Variants in PLEKHG1 observed in about 807,000 individuals in gnomAD.
The protein encoded by PLEKHG1 is pleckstrin homology domain-containing family G member 1.
A neutral mutation model predicts 100.8 loss-of-function variants in PLEKHG1; 44 were observed. The ratio of observed to expected loss-of-function variants is 0.44; its 90% CI spans 0.34 to 0.56. The LOEUF is 0.56. Ranked by LOEUF, PLEKHG1 falls within the 20% of genes least tolerant of loss-of-function variation. The pLI, the probability that PLEKHG1 is intolerant of heterozygous loss-of-function variation, is 0.01. For missense variants in PLEKHG1, 1,545 were observed against 1,720.9 expected, an observed-to-expected ratio of 0.90 and a Z score of 1.81; for synonymous variants, 640 against 662.5, an observed-to-expected ratio of 0.97 and a Z score of 0.52.
intron 2 of PLEKHG1, among the ~76,000 whole-genome samples, chr6:150,736,290 C>T (rs1562474747): frequency 6.6e-6 from 1 of 152,182 alleles, no homozygotes; most frequent in African/African-American, 2.4e-5. Context: ...TAAGTAGGAC[C>T]TGCCTCATAG....
chr6:150,840,477 A>C, exon 16 of PLEKHG1: 1 of 1,614,220 alleles, frequency 6.2e-7, no homozygotes, highest in Non-Finnish European at 8.5e-7. Flanking sequence ...AGACTCACAG[A>C]AAGTTGTGGT....
rs140549667 is a variant in PLEKHG1, at chr6:150,766,859, T to G, written c.412-1779T>G. On this transcript the variant is annotated intron_variant, in intron 2 of 15. Coordinates refer to ENST00000358517, the Ensembl canonical transcript of PLEKHG1. ...GAGAAAGGATTGTTCATTCTCTCTTTAAGCCCCACTGCAGAGCCTCTGAAT... is the reference window on the plus strand; with the variant it reads ...GAGAAAGGATTGTTCATTCTCTCTTGAAGCCCCACTGCAGAGCCTCTGAAT... Among the ~76,000 whole-genome samples the G allele has an allele frequency of 1.5e-3, 232 of 152,334 alleles. 1 individual carries two copies. The highest frequency in any genetic ancestry group is 5.2e-3 in the African/African-American group (217 of 41,572).
chr6:150,756,679 C>G (rs781316230), intron 2 of PLEKHG1, among the ~76,000 whole-genome samples: 9 of 152,160 alleles, frequency 5.9e-5, no homozygotes, highest in Non-Finnish European at 1.3e-4. Flanking sequence ...CCAGCCTTTT[C>G]CAGTTAATAT....
At chr6:150,661,443 GA>G (rs558792761) in intron 3 of PLEKHG1, among the ~76,000 whole-genome samples, 1 of 152,106 alleles carries the variant, frequency 6.6e-6, no homozygotes, top group Non-Finnish European at 1.5e-5. Flanking sequence ...AAGTTCATTT[GA>G]AAAACATTTT....
intron 1 of PLEKHG1, among the ~76,000 whole-genome samples, chr6:150,617,435 T>C (rs1393029839): frequency 6.6e-6 from 1 of 152,248 alleles, no homozygotes; most frequent in African/African-American, 2.4e-5. Context: ...TGATGAGAAG[T>C]AATTAACCAG....
chr6:150,775,430 A>G (rs1273566437), intron 3 of PLEKHG1, among the ~76,000 whole-genome samples: 1 of 152,190 alleles, frequency 6.6e-6, no homozygotes, highest in Non-Finnish European at 1.5e-5. Context: ...CCCTCAGAAG[A>G]TCAGAGTAAA....
chr6:150,786,187 A>G (rs541432959), intron 3 of PLEKHG1, among the ~76,000 whole-genome samples: 36 of 152,222 alleles, frequency 2.4e-4, no homozygotes, highest in African/African-American at 8.4e-4. Context: ...TATGGGTTCA[A>G]CCTGGGTTTA....
intron 3 of PLEKHG1, among the ~76,000 whole-genome samples, chr6:150,659,052 C>T (rs1207387736): frequency 2.0e-5 from 3 of 152,184 alleles, no homozygotes; most frequent in Non-Finnish European, 1.5e-5. Context: ...CCAACTGCAA[C>T]CCCAAGCCCA....
At chr6:150,733,666 T>A in exon 2 of PLEKHG1, 1 of 1,614,132 alleles carries the variant, frequency 6.2e-7, no homozygotes, top group Non-Finnish European at 8.5e-7. Context: ...GTTCCTGCCC[T>A]CAAGAACTGA....
chr6:150,705,361 G>C (rs1780960904), intron 3 of PLEKHG1, among the ~76,000 whole-genome samples: 1 of 152,230 alleles, frequency 6.6e-6, no homozygotes, highest in African/African-American at 2.4e-5. Context: ...CCTGGGATGG[G>C]ATTTATCCAT....
chr6:150,702,760 C>G (rs1237661759), intron 3 of PLEKHG1, among the ~76,000 whole-genome samples: 1 of 152,156 alleles, frequency 6.6e-6, no homozygotes, highest in Non-Finnish European at 1.5e-5. Context: ...CAATAACAAA[C>G]AGACTTTCTA....
chr6:150,653,766 A>G (rs1027334227), intron 3 of PLEKHG1, among the ~76,000 whole-genome samples: 24 of 151,876 alleles, frequency 1.6e-4, no homozygotes, highest in Non-Finnish European at 2.9e-4. Context: ...AAGAGTAAAT[A>G]TTTTCTTTTT....
chr6:150,735,524 C>G (rs180933736), intron 2 of PLEKHG1, among the ~76,000 whole-genome samples: 6 of 152,276 alleles, frequency 3.9e-5, no homozygotes, highest in South Asian at 2.1e-4. Context: ...ACCAGACTGT[C>G]TACTAAAAAT....
At chr6:150,804,573 T>TC in intron 6 of PLEKHG1, 37 bp from the exon 8 acceptor site, 1 of 1,385,702 alleles carries the variant, frequency 7.2e-7, no homozygotes. Flanking sequence ...GAAAATAAAA[T>TC]GAAAAAAAAA....
Position 150,830,733 on chromosome 6 carries a change from C to T in PLEKHG1, c.1622C>T (p.Ala541Val), listed in dbSNP as rs200746163. Residue 541 changes from alanine to valine, a missense_variant, in exon 15 of 16, where the codon GCC becomes GTC. By Grantham distance (64) the Ala-to-Val change is moderately conservative. Coordinates refer to ENST00000358517, the Ensembl canonical transcript of PLEKHG1. ...TGGACCGATCACCAGATCAGGCAAG[C>T]CTTGTTTCCCAGCCGACGGTCCCCG... is the stretch of plus-strand genomic sequence containing the variant. 16 of 1,614,056 alleles carry T rather than the reference C, an allele frequency of 9.9e-6. No individual in the cohort carries two copies. The highest frequency in any genetic ancestry group is 1.3e-5 in the Non-Finnish European group (15 of 1,180,020).
intron 10 of PLEKHG1, among the ~76,000 whole-genome samples, chr6:150,810,158 G>T (rs1278920739): frequency 2.0e-5 from 3 of 151,806 alleles, no homozygotes; most frequent in African/African-American, 7.2e-5. Context: ...TTAGCACCCG[G>T]CATGATGGCA....
Position 150,817,852 on chromosome 6 carries a change from G to A in PLEKHG1, c.1279-331G>A, listed in dbSNP as rs144961511. On this transcript the variant is annotated intron_variant, in intron 10 of 15. Transcript: ENST00000358517. ...GCTGGGATTACAGGCGTGAGCTACCGCGCCCAGCCGAGAATCTGCATTTTT... is the reference window on the plus strand; with the variant it reads ...GCTGGGATTACAGGCGTGAGCTACCACGCCCAGCCGAGAATCTGCATTTTT... 5.4e-3 allele frequency among the ~76,000 whole-genome samples: 828 copies of A among 152,032 alleles called. 14 individuals are homozygous for A. Among genetic ancestry groups the A allele is most frequent in the African/African-American group, 0.018 (754 of 41,486 alleles).
intron 7 of PLEKHG1, among the ~76,000 whole-genome samples, chr6:150,805,747 G>A (rs569825238): frequency 6.6e-6 from 1 of 152,044 alleles, no homozygotes; most frequent in East Asian, 1.9e-4. Context: ...GGCTTGTCTT[G>A]AACTCCTAAC....
intron 3 of PLEKHG1, among the ~76,000 whole-genome samples, chr6:150,712,091 C>T (rs1482570939): frequency 2.0e-5 from 3 of 152,098 alleles, no homozygotes; most frequent in South Asian, 2.1e-4. Context: ...CAAAGAGAGA[C>T]GACAACAGTG....
Sources: gnomAD v4.1 joint callset for allele counts (sites outside exome capture counted in the v4.1 genomes callset) on GRCh38, gnomAD v4.1.1 for gene constraint, MANE v1.5 for transcripts, NCBI Gene and HGNC (gene_info 2026-07-23, HGNC 2026-07-21) for gene names.